Variants in CPQ observed in about 807,000 individuals in gnomAD.
The protein encoded by CPQ is Ser-Met dipeptidase.
CPQ carries 37 observed loss-of-function variants against 45.7 expected under a neutral mutation model. That is an observed-to-expected ratio of 0.81 (90% confidence interval 0.62 to 1.07). The LOEUF (loss-of-function observed/expected upper bound fraction) is 1.07. CPQ is among the 50% of genes least tolerant of loss of function. The pLI is 0.00. For synonymous variants in CPQ, 186 were observed against 205.8 expected (o/e 0.90, Z 0.82); for missense variants, 537 against 572.9 (o/e 0.94, Z 0.64).
rs991465358 is a variant in CPQ at position 96,656,279 on chromosome 8, A to G, written c.-35+10877A>G. On this transcript the variant is annotated intron_variant, in intron 1 of 7. Coordinates refer to ENST00000220763, the MANE Select transcript of CPQ (RefSeq NM_016134.4). ...ACCCCATGCAGGCAGAGCTCGCTAT[A>G]GTTGGCTGGGTGCTGCCTTTGCTCT... is the stretch of plus-strand genomic sequence containing the variant. Among the ~76,000 whole-genome samples, 6 of 152,138 alleles carry G rather than the reference A, an allele frequency of 3.9e-5. No homozygotes were observed. The East Asian group carries it at 1.2e-3, about 29-fold the overall frequency.
Position 97,036,400 on chromosome 8 carries a change from G to A in CPQ, c.1053+6906G>A, listed in dbSNP as rs185253480. Among the ~76,000 whole-genome samples the A allele has an allele frequency of 1.7e-3, 253 of 152,222 alleles. 3 individuals carry two copies. Among genetic ancestry groups the A allele is most frequent in the Admixed American group, 0.013 (196 of 15,296 alleles). On this transcript the variant is annotated intron_variant, in intron 6 of 7. Coordinates refer to ENST00000220763, the MANE Select transcript of CPQ (RefSeq NM_016134.4). ...TGAACTCTATTGGTTAAATTTAACTGGCATTCACTTAAAAGGAAACTTTAC... is the reference window on the plus strand; with the variant it reads ...TGAACTCTATTGGTTAAATTTAACTAGCATTCACTTAAAAGGAAACTTTAC...
At chr8:96,774,902 A>G (rs1368229779) in intron 1 of CPQ, among the ~76,000 whole-genome samples, 2 of 152,218 alleles carry the variant, frequency 1.3e-5, no homozygotes. Flanking sequence ...ATGTATTCAG[A>G]TACACGGCAC....
At chr8:96,781,923 A>T (rs1452519903) in intron 1 of CPQ, among the ~76,000 whole-genome samples, 1 of 152,190 alleles carries the variant, frequency 6.6e-6, no homozygotes, top group Non-Finnish European at 1.5e-5. Context: ...GTAAATCTTA[A>T]GCCTCAGAAA....
intron 1 of CPQ, among the ~76,000 whole-genome samples, chr8:96,749,813 A>G (rs1810235682): frequency 6.6e-6 from 1 of 152,210 alleles, no homozygotes; most frequent in Non-Finnish European, 1.5e-5. Context: ...TGTATTAAAA[A>G]TGTTAAAGGT....
intron 1 of CPQ, among the ~76,000 whole-genome samples, chr8:96,724,619 T>C (rs1442211186): frequency 6.6e-6 from 1 of 151,928 alleles, no homozygotes; most frequent in East Asian, 1.9e-4. Context: ...CATAAGCATA[T>C]GAAAAAGCAT....
intron 6 of CPQ, among the ~76,000 whole-genome samples, chr8:97,045,712 G>A (rs1810243158): frequency 6.6e-6 from 1 of 152,142 alleles, no homozygotes; most frequent in Non-Finnish European, 1.5e-5. Flanking sequence ...TAGGTCTTTG[G>A]GTATTCAGTA....
At chr8:96,860,203 A>G (rs960720603) in intron 3 of CPQ, among the ~76,000 whole-genome samples, 2 of 152,182 alleles carry the variant, frequency 1.3e-5, no homozygotes, top group African/African-American at 2.4e-5. Flanking sequence ...CAACGTGTGC[A>G]GTGATCATGC....
At position 97,069,141 on chromosome 8, in the gene CPQ, A is replaced by G. The variant is rs114267493; in HGVS notation, c.1255+2931A>G. On this transcript the variant is annotated intron_variant, in intron 7 of 7. Transcript: ENST00000220763. ...TGAAAGATCAGAAAGGTTTACATAA[A>G]GTCAGTAGCTCATTTAGATGACTCT... Among the ~76,000 whole-genome samples the G allele has an allele frequency of 2.9e-3, 446 of 152,320 alleles. 1 individual carries two copies. The highest frequency in any genetic ancestry group is 9.2e-3 in the African/African-American group (382 of 41,568).
chr8:96,801,204 C>T (rs540218437), intron 2 of CPQ, among the ~76,000 whole-genome samples: 3 of 151,802 alleles, frequency 2.0e-5, no homozygotes, highest in African/African-American at 2.4e-5. Flanking sequence ...CTCGAACTCC[C>T]GACATCAGGT....
intron 1 of CPQ, among the ~76,000 whole-genome samples, chr8:96,687,062 T>C (rs2464497): frequency 0.64 from 97,550 of 151,896 alleles, 31,626 homozygotes; most frequent in Middle Eastern, 0.69. Flanking sequence ...TAAAAATGTT[T>C]TGGCGAGTTA....
chr8:96,880,086 A>T lies in CPQ; in HGVS notation c.849+81A>T, dbSNP rs1812200804. The stretch of plus-strand genomic sequence containing the variant: ...ATTAGAGATAGTTTGGGAAAGAGAG[A>T]ACGTGAAACCACCTAGATGGTCCTC... On this transcript the variant is annotated intron_variant, in intron 4 of 7. Transcript: ENST00000220763. The T allele has an allele frequency of 7.4e-6, 9 of 1,211,704 alleles. No homozygotes were observed. In the Admixed American group the frequency reaches 1.7e-4, roughly 22 times the overall value. 75.1% of individuals were successfully genotyped at this position (1,211,704 alleles called of 1,614,324 possible).
intron 4 of CPQ, among the ~76,000 whole-genome samples, chr8:96,963,442 G>A (rs1257265875): frequency 2.0e-5 from 3 of 152,154 alleles, no homozygotes; most frequent in Admixed American, 1.3e-4. Context: ...GATTGTGCTT[G>A]TTTGTAACTA....
intron 3 of CPQ, among the ~76,000 whole-genome samples, chr8:96,866,100 T>C (rs904771121): frequency 2.0e-5 from 3 of 152,082 alleles, no homozygotes; most frequent in Non-Finnish European, 1.5e-5. Flanking sequence ...CTCAGCTAAG[T>C]ACCCAATAGA....
At chr8:96,912,312 T>G (rs1812675069) in intron 4 of CPQ, among the ~76,000 whole-genome samples, 1 of 152,230 alleles carries the variant, frequency 6.6e-6, no homozygotes, top group Admixed American at 6.5e-5. Flanking sequence ...TCATGTTCTG[T>G]CTTTTCACTG....
At chr8:97,067,142 G>C (rs1288850135) in intron 7 of CPQ, among the ~76,000 whole-genome samples, 1 of 151,778 alleles carries the variant, frequency 6.6e-6, no homozygotes, top group African/African-American at 2.4e-5. Context: ...GCCCAGGCTG[G>C]TCTCCAACTC....
chr8:96,966,108 A>T (rs1813555714), intron 5 of CPQ, 62 bp downstream of exon 5: 2 of 1,151,560 alleles, frequency 1.7e-6, no homozygotes. Flanking sequence ...TTAACTCAAA[A>T]CACAAAATAC....
intron 2 of CPQ, among the ~76,000 whole-genome samples, chr8:96,817,612 C>CT (rs111392702): frequency 0.048 from 6,948 of 145,126 alleles, 182 homozygotes; most frequent in Middle Eastern, 0.11. Flanking sequence ...TGGACTAGCA[C>CT]TTTTTTTTTT....
intron 6 of CPQ, among the ~76,000 whole-genome samples, chr8:97,037,860 A>G (rs376077075): frequency 6.6e-6 from 1 of 152,278 alleles, no homozygotes; most frequent in East Asian, 1.9e-4. Context: ...ATACTAGGAG[A>G]ATCATATACC....
At chr8:96,793,355 G>C (rs1810877860) in intron 2 of CPQ, among the ~76,000 whole-genome samples, 1 of 152,144 alleles carries the variant, frequency 6.6e-6, no homozygotes, top group African/African-American at 2.4e-5. Context: ...AAAGTGAAAG[G>C]CATATCTCAC....
Sources: gnomAD v4.1 joint callset for allele counts (sites outside exome capture counted in the v4.1 genomes callset) on GRCh38, gnomAD v4.1.1 for gene constraint, MANE v1.5 for transcripts, NCBI Gene and HGNC (gene_info 2026-07-23, HGNC 2026-07-21) for gene names.